C11orf91: variants seen among roughly 807,000 people sequenced by gnomAD.
C11orf91 encodes the protein chromosome 11 open reading frame 91, also known as uncharacterized protein C11orf91.
A neutral mutation model predicts 14.3 loss-of-function variants in C11orf91; 10 were observed. The ratio of observed to expected loss-of-function variants is 0.70; its 90% CI spans 0.43 to 1.18. C11orf91 has a LOEUF of 1.18. C11orf91 is among the 50% of genes most tolerant of loss of function. C11orf91 has a pLI of 0.00. For missense variants in C11orf91, 236 were observed against 269.0 expected (o/e 0.88, Z 0.86); for synonymous variants, 141 against 130.6 (o/e 1.08, Z -0.54).
In C11orf91 at chr11:33,700,674, A is replaced by G; in HGVS notation, c.67T>C (p.Phe23Leu). 1 of 1,461,734 alleles carries G rather than the reference A, an allele frequency of 6.8e-7. No homozygotes were observed. Among genetic ancestry groups the G allele is most frequent in the Non-Finnish European group, 9.0e-7 (1 of 1,109,612 alleles). 90.5% of individuals were successfully genotyped at this position (1,461,734 alleles called of 1,614,324 possible). Reference sequence around the variant, plus strand: ...ATGCCGCGGTCGTACAGGGACGGGAAATAGAGGGGCGGAGCCGACCGCTGG... The same window carrying G: ...ATGCCGCGGTCGTACAGGGACGGGAGATAGAGGGGCGGAGCCGACCGCTGG... The part of the protein sequence containing the change: ...MSQRSAPPLY[F>L]PSLYDRGISS... The change falls in exon 1 of 2, where the codon TTC becomes CTC. Residue 23 changes from phenylalanine (F) to leucine (L), a missense_variant. Coordinates refer to ENST00000379011, the MANE Select transcript of C11orf91 (RefSeq NM_001166692.2).
chr11:33,700,947 G>T (rs189921080), upstream of C11orf91: 1 of 416,120 alleles, frequency 2.4e-6, no homozygotes, highest in Non-Finnish European at 4.1e-6. Context: ...TCGGCTGGCC[G>T]CACCCCGCAG....
At position 33,700,509 on chromosome 11, in the gene C11orf91, GC is replaced by G; in HGVS notation, c.231del (p.Pro78HisfsTer92). 1 of 1,341,000 alleles carries G rather than the reference GC, an allele frequency of 7.5e-7. No homozygotes were observed. The highest frequency in any genetic ancestry group is 9.5e-7 in the Non-Finnish European group (1 of 1,056,240). 83.1% of individuals were successfully genotyped at this position (1,341,000 alleles called of 1,614,324 possible). ...QALPAPAPPP[P>X]PPPGLGPSSE... ...CTGGAGGGACCCAGGCCGGGTGGTG[GC>G]GGGGGCGGGGGCGCCGGGGCGGGGA... On this transcript the variant is annotated frameshift_variant, in exon 1 of 2. Coordinates refer to ENST00000379011, the MANE Select transcript of C11orf91 (RefSeq NM_001166692.2). LOFTEE classifies it high-confidence loss of function.
At position 33,700,472 on chromosome 11, in the gene C11orf91, CA is replaced by C; in HGVS notation, c.268del (p.Trp90GlyfsTer80). On this transcript the variant is annotated frameshift_variant, in exon 1 of 2. Transcript: ENST00000379011. LOFTEE classifies it high-confidence loss of function. The part of the protein sequence containing the change: ...PGLGPSSERP[W>X]PSPWPSGLAS... ...CAGGCCGGAGGGCCAGGGCGAGGGC[CA>C]GGGGCGCTCGCTGGAGGGACCCAGG... 3 of 1,394,130 alleles carry C rather than the reference CA, an allele frequency of 2.2e-6. No individual in the cohort carries two copies. Among genetic ancestry groups the C allele is most frequent in the Non-Finnish European group, 9.2e-7 (1 of 1,082,674 alleles). The allele number at this position is 1,394,130 out of a possible 1,614,324, so 86.4% of individuals were successfully genotyped here.
At chr11:33,699,503 A>G (rs1315660300) in intron 1 of C11orf91, 1 of 454,396 alleles carries the variant, frequency 2.2e-6, no homozygotes, top group Non-Finnish European at 4.4e-6. Context: ...ACTTTGCAAT[A>G]GGTCCTTCTT....
Position 33,700,583 on chromosome 11 carries a change from C to G in C11orf91, c.158G>C (p.Gly53Ala), listed in dbSNP as rs559912331. Residue 53 changes from glycine (G) to alanine (A), a missense_variant, in exon 1 of 2, where the codon GGG becomes GCG. Coordinates refer to ENST00000379011, the MANE Select transcript of C11orf91 (RefSeq NM_001166692.2). ...KKLFVPLKAG[G>A]APVGGAAGAR... ...CCCCGCCGCCCCGCCCACTGGCGCC[C>G]CGCCCGCCTTCAGCGGCACGAAGAG... 1.8e-4 allele frequency: 264 copies of G among 1,458,764 alleles called. 2 individuals are homozygous for G. The African/African-American group carries it at 3.4e-3, about 19-fold the overall frequency. 90.4% of individuals were successfully genotyped at this position (1,458,764 alleles called of 1,614,324 possible).
At chr11:33,704,923 T>C (rs949363961), upstream of C11orf91, 4 of 152,642 alleles carry the variant, frequency 2.6e-5, no homozygotes, top group Admixed American at 2.0e-4. Flanking sequence ...CAATTAACCA[T>C]TGTGTTGGTC....
At chr11:33,699,319 A>G (rs1160794785) in intron 1 of C11orf91, among the ~76,000 whole-genome samples, 1 of 152,168 alleles carries the variant, frequency 6.6e-6, no homozygotes, top group Admixed American at 6.5e-5. Context: ...AGGTTATTTC[A>G]TACTTCCCTT....
In C11orf91 at chr11:33,700,776, G is replaced by T. The variant is rs1432862903; in HGVS notation, c.-36C>A. 9.5e-6 allele frequency: 12 copies of T among 1,265,694 alleles called. No individual in the cohort carries two copies. Among genetic ancestry groups the T allele is most frequent in the Non-Finnish European group, 1.2e-5 (12 of 1,007,104 alleles). 78.4% of individuals were successfully genotyped at this position (1,265,694 alleles called of 1,614,324 possible). ...AGGGTCTGCGTGGGAGGAACCCCGC[G>T]CCGGGAGACGCGCGCTCAGGCCCCG... On this transcript the variant is annotated 5_prime_UTR_variant, in exon 1 of 2. Coordinates refer to ENST00000379011, the MANE Select transcript of C11orf91 (RefSeq NM_001166692.2).
chr11:33,702,755 A>G, upstream of C11orf91: 1 of 379,340 alleles, frequency 2.6e-6, no homozygotes, highest in Non-Finnish European at 5.2e-6. Flanking sequence ...ATTAGAAGAA[A>G]AATTTTTTCA....
upstream of C11orf91, chr11:33,704,132 C>A (rs962399778): frequency 1.3e-5 from 2 of 152,182 alleles, no homozygotes; most frequent in African/African-American, 2.4e-5. Context: ...CACAATTTGC[C>A]GTGCCCGGTG....
rs373843646 is a variant in C11orf91, at chr11:33,700,502, G to A, written c.239C>T (p.Pro80Leu). 1.4e-3 allele frequency: 1,829 copies of A among 1,349,054 alleles called. 18 individuals carry two copies. The African/African-American group carries it at 0.025, about 18-fold the overall frequency. The allele number at this position is 1,349,054 out of a possible 1,614,324, so 83.6% of individuals were successfully genotyped here. Residue 80 changes from proline to leucine, a missense_variant, in exon 1 of 2, where the codon CCC (proline) becomes CTC (leucine). Coordinates refer to ENST00000379011, the MANE Select transcript of C11orf91 (RefSeq NM_001166692.2). ...PAPAPPPPPP[P>L]GLGPSSERPW... is the part of the protein sequence containing the mutation. The stretch of plus-strand genomic sequence containing the variant: ...GCGCTCGCTGGAGGGACCCAGGCCG[G>A]GTGGTGGCGGGGGCGGGGGCGCCGG...
chr11:33,698,401 G>T lies in C11orf91; in HGVS notation c.*28C>A. The T allele has an allele frequency of 7.2e-7, 1 of 1,384,788 alleles. No homozygotes were observed. The highest frequency in any genetic ancestry group is 9.9e-7 in the Non-Finnish European group (1 of 1,007,696). The allele number at this position is 1,384,788 out of a possible 1,614,324, so 85.8% of individuals were successfully genotyped here. On this transcript the variant is annotated 3_prime_UTR_variant, in exon 2 of 2. Coordinates refer to ENST00000379011, the MANE Select transcript of C11orf91 (RefSeq NM_001166692.2). Reference sequence around the variant, plus strand: ...TCTAAGCACTAACACCTAAGGAGGTGGCTGCCCAAGCTCTGGTAGGCAGCT... The same window carrying T: ...TCTAAGCACTAACACCTAAGGAGGTTGCTGCCCAAGCTCTGGTAGGCAGCT...
chr11:33,698,844 A>C (rs1454176250), intron 1 of C11orf91, among the ~76,000 whole-genome samples: 6 of 142,216 alleles, frequency 4.2e-5, no homozygotes, highest in Admixed American at 1.5e-4. Context: ...GCAGTGGCAC[A>C]ATCTTGGCTT....
upstream of C11orf91, chr11:33,705,549 A>G (rs1287823044): frequency 6.6e-6 from 1 of 152,246 alleles, no homozygotes; most frequent in Non-Finnish European, 1.5e-5. Context: ...GACTTGCACC[A>G]GTGGGTTGGT....
chr11:33,700,723 G>A lies in C11orf91; in HGVS notation c.18C>T (p.Arg6=). The change falls in exon 1 of 2, where the codon CGC becomes CGT. Residue 6 remains arginine, a synonymous_variant. Coordinates refer to ENST00000379011, the MANE Select transcript of C11orf91 (RefSeq NM_001166692.2). ...GGCTCATGGTGGGGCTGTGGCTGCC[G>A]CGCCGCCCCTTTGGCATCGTTTGAA... MPKGR[R]GSHSPTMSQR... The A allele has an allele frequency of 7.3e-7, 1 of 1,377,148 alleles. No homozygotes were observed. The highest frequency in any genetic ancestry group is 9.4e-7 in the Non-Finnish European group (1 of 1,062,414). 85.3% of individuals were successfully genotyped at this position (1,377,148 alleles called of 1,614,324 possible).
At chr11:33,703,668 G>C (rs1853189485), upstream of C11orf91, 1 of 152,226 alleles carries the variant, frequency 6.6e-6, no homozygotes, top group African/African-American at 2.4e-5. Flanking sequence ...AGGTTAGAAA[G>C]TCACAGGCCT....
chr11:33,698,486 T>C lies in C11orf91; in HGVS notation c.525A>G (p.Glu175=). 6.5e-7 allele frequency: 1 copy of C among 1,537,600 alleles called. No individual in the cohort carries two copies. The part of the protein sequence containing the change: ...SYTFLKALKD[E]KLQGLKTKQP... ...GCTTGGTCTTCAGTCCTTGTAACTTTTCGTCTTTTAGCGCCTTCAGGAATG... is the reference window on the plus strand; with the variant it reads ...GCTTGGTCTTCAGTCCTTGTAACTTCTCGTCTTTTAGCGCCTTCAGGAATG... Residue 175 remains glutamate, a synonymous_variant, in exon 2 of 2, where the codon GAA becomes GAG. Transcript: ENST00000379011.
chr11:33,702,064 G>A (rs1853136489), upstream of C11orf91, among the ~76,000 whole-genome samples: 1 of 152,126 alleles, frequency 6.6e-6, no homozygotes, highest in Non-Finnish European at 1.5e-5. Context: ...CGCAGTATTT[G>A]CTCTCTGACT....
chr11:33,700,516 CG>C lies in C11orf91; in HGVS notation c.224del (p.Pro75ArgfsTer95), dbSNP rs536185621. 4 of 253,202 alleles carry C rather than the reference CG, an allele frequency of 1.6e-5. No homozygotes were observed. The highest frequency in any genetic ancestry group is 2.5e-5 in the Non-Finnish European group (4 of 162,426). The allele number at this position is 253,202 out of a possible 1,614,324, so 15.7% of individuals were successfully genotyped here. On this transcript the variant is annotated frameshift_variant, in exon 1 of 2. Coordinates refer to ENST00000379011, the MANE Select transcript of C11orf91 (RefSeq NM_001166692.2). LOFTEE classifies it high-confidence loss of function. ...LSQALPAPAPPPPPPPGLGPS... is the reference protein window; with the variant it reads ...LSQALPAPAPXPPPPPGLGPS... ...GACCCAGGCCGGGTGGTGGCGGGGG[CG>C]GGGGCGCCGGGGCGGGGAGCGCCTG...
Sources: allele counts gnomAD v4.1 joint callset (sites outside exome capture counted in the v4.1 genomes callset), GRCh38; gene constraint gnomAD v4.1.1; transcripts MANE v1.5; gene names NCBI Gene and HGNC (gene_info 2026-07-23, HGNC 2026-07-21).